Variants in CDH8 observed in about 807,000 individuals in gnomAD.
CDH8 encodes cadherin 8.
CDH8 carries 17 observed loss-of-function variants against 68.1 expected under a neutral mutation model. That is an observed-to-expected ratio of 0.25 (90% CI 0.17 to 0.37). CDH8 has a LOEUF of 0.37. Ranked by LOEUF, CDH8 falls within the 10% of genes least tolerant of loss-of-function variation. The pLI is 1.00. For missense variants in CDH8, 763 were observed against 999.3 expected (o/e 0.76, Z 3.19); for synonymous variants, 372 against 365.1 (o/e 1.02, Z -0.21).
At chr16:61,974,403 T>C (rs1298517443) in intron 2 of CDH8, among the ~76,000 whole-genome samples, 1 of 152,142 alleles carries the variant, frequency 6.6e-6, no homozygotes, top group Non-Finnish European at 1.5e-5. Flanking sequence ...CTGCTAAGCC[T>C]AGCAATGCAG....
At chr16:61,875,727 A>G (rs115749824) in intron 3 of CDH8, among the ~76,000 whole-genome samples, 1,713 of 152,310 alleles carry the variant, frequency 0.011, 38 homozygotes, top group African/African-American at 0.039. Flanking sequence ...TATGCATTTT[A>G]AACTTTTAAT....
In CDH8 at chr16:62,021,567, C is replaced by A. The variant is rs1902077143; in HGVS notation, c.-164G>T. On this transcript the variant is annotated 5_prime_UTR_variant, in exon 2 of 12. Coordinates refer to ENST00000577390, the MANE Select transcript of CDH8 (RefSeq NM_001796.5). ...CATCATCTAAGCAGCTTTTCTAAGA[C>A]CACAATCCATTGGCTTTTCTTTTCA... 7.2e-7 allele frequency: 1 copy of A among 1,381,500 alleles called. No homozygotes were observed. Among genetic ancestry groups the A allele is most frequent in the African/African-American group, 1.5e-5 (1 of 68,658 alleles). 85.6% of individuals were successfully genotyped at this position (1,381,500 alleles called of 1,614,324 possible).
chr16:61,857,560 T>C (rs1367186577), intron 3 of CDH8, among the ~76,000 whole-genome samples: 1 of 152,138 alleles, frequency 6.6e-6, no homozygotes, highest in Non-Finnish European at 1.5e-5. Flanking sequence ...CAAAGGAATA[T>C]GAAATATAAG....
chr16:61,810,073 T>C (rs2142998845), intron 7 of CDH8, among the ~76,000 whole-genome samples: 1 of 152,350 alleles, frequency 6.6e-6, no homozygotes, highest in African/African-American at 2.4e-5. Context: ...ATGGAAAATT[T>C]ATAGGAAGAT....
chr16:61,704,320 G>A (rs967399006), intron 10 of CDH8, among the ~76,000 whole-genome samples: 8 of 152,110 alleles, frequency 5.3e-5, no homozygotes, highest in East Asian at 3.9e-4. Flanking sequence ...CCCAAATTAC[G>A]AACTATTGGG....
intron 2 of CDH8, among the ~76,000 whole-genome samples, chr16:61,967,714 C>T (rs530566177): frequency 2.4e-4 from 37 of 152,268 alleles, no homozygotes; most frequent in African/African-American, 7.0e-4. Context: ...CTCAAAGTTT[C>T]AGATTTTGAA....
chr16:61,804,188 G>A (rs1035137775), intron 7 of CDH8, among the ~76,000 whole-genome samples: 3 of 150,158 alleles, frequency 2.0e-5, no homozygotes, highest in Admixed American at 6.6e-5. Context: ...TCAACTACAT[G>A]GAAACTGAAC....
At chr16:61,654,341 G>A (rs1567404332) in intron 11 of CDH8, among the ~76,000 whole-genome samples, 1 of 152,070 alleles carries the variant, frequency 6.6e-6, no homozygotes, top group Non-Finnish European at 1.5e-5. Flanking sequence ...AAAAGAATTG[G>A]CATGCATGTA....
intron 8 of CDH8, among the ~76,000 whole-genome samples, chr16:61,766,777 C>T (rs1306928599): frequency 1.3e-5 from 2 of 151,904 alleles, no homozygotes; most frequent in Non-Finnish European, 2.9e-5. Context: ...CATAACCTAC[C>T]TACTTCAGTA....
Position 61,901,429 on chromosome 16 carries a change from G to T in CDH8, c.297C>A (p.Ile99=). 6.2e-7 allele frequency: 1 copy of T among 1,613,690 alleles called. No homozygotes were observed. The highest frequency in any genetic ancestry group is 8.5e-7 in the Non-Finnish European group (1 of 1,179,702). Residue 99 remains isoleucine, a synonymous_variant, in exon 3 of 12, where the codon ATC becomes ATA. Transcript: ENST00000577390. The stretch of plus-strand genomic sequence containing the variant: ...TGGTCCCAGCTCCATCACCTGATAG[G>T]ATATACTTGATTTTTTTGCTCCCAG... ...LDPGSKKIKY[I]LSGDGAGTIF...
intron 3 of CDH8, among the ~76,000 whole-genome samples, chr16:61,885,430 G>A (rs1963654613): frequency 6.6e-6 from 1 of 152,120 alleles, no homozygotes; most frequent in Non-Finnish European, 1.5e-5. Flanking sequence ...GAGAAATCTA[G>A]GTTACTAATG....
At chr16:61,877,209 T>C (rs1409043377) in intron 3 of CDH8, among the ~76,000 whole-genome samples, 2 of 152,114 alleles carry the variant, frequency 1.3e-5, no homozygotes, top group Non-Finnish European at 2.9e-5. Flanking sequence ...ATAAAGAAAT[T>C]GTTTCATCAT....
At chr16:62,001,902 G>A (rs1382142491) in intron 2 of CDH8, among the ~76,000 whole-genome samples, 4 of 152,058 alleles carry the variant, frequency 2.6e-5, no homozygotes, top group African/African-American at 9.7e-5. Context: ...AACTGGTAGT[G>A]ATGCTGTGGT....
At chr16:62,008,228 C>T (rs1003413899) in intron 2 of CDH8, among the ~76,000 whole-genome samples, 4 of 152,100 alleles carry the variant, frequency 2.6e-5, no homozygotes, top group South Asian at 2.1e-4. Flanking sequence ...TGAGCCACTG[C>T]GCCCAGCTTA....
intron 10 of CDH8, among the ~76,000 whole-genome samples, chr16:61,676,828 C>A (rs1963921570): frequency 1.3e-5 from 2 of 152,012 alleles, no homozygotes; most frequent in Non-Finnish European, 2.9e-5. Flanking sequence ...TTTCCATCAT[C>A]CCCCAAATTC....
intron 9 of CDH8, among the ~76,000 whole-genome samples, chr16:61,720,484 A>G (rs1959208866): frequency 6.6e-6 from 1 of 151,000 alleles, no homozygotes. Context: ...ACAATCTTTT[A>G]CACCATTTTC....
intron 3 of CDH8, among the ~76,000 whole-genome samples, chr16:61,863,388 G>C (rs539033063): frequency 3.9e-5 from 6 of 152,144 alleles, no homozygotes; most frequent in Non-Finnish European, 1.5e-5. Flanking sequence ...CACTGTCGGG[G>C]TGGAGGTTCC....
intron 10 of CDH8, among the ~76,000 whole-genome samples, chr16:61,694,815 T>A (rs1964294966): frequency 6.6e-6 from 1 of 152,150 alleles, no homozygotes; most frequent in Admixed American, 6.5e-5. Context: ...AGAGTCTCGC[T>A]CTGTCACCCA....
intron 3 of CDH8, among the ~76,000 whole-genome samples, chr16:61,898,157 G>A (rs555500006): frequency 5.3e-5 from 8 of 152,074 alleles, no homozygotes; most frequent in South Asian, 4.1e-4. Context: ...AAAATTAGCC[G>A]GGCATGGTGA....
Sources: allele counts gnomAD v4.1 joint callset (sites outside exome capture counted in the v4.1 genomes callset), GRCh38; gene constraint gnomAD v4.1.1; transcripts MANE v1.5; gene names NCBI Gene and HGNC (gene_info 2026-07-23, HGNC 2026-07-21).